CACNB4: variants seen among roughly 807,000 people sequenced by gnomAD.
CACNB4 encodes calcium voltage-gated channel auxiliary subunit beta 4, also known as voltage-dependent L-type calcium channel subunit beta-4.
In CACNB4, 32 loss-of-function variants were observed where a neutral mutation model predicts 71.2. The observed-to-expected ratio is 0.45, with a 90% CI of 0.34 to 0.60. The LOEUF (loss-of-function observed/expected upper bound fraction) is 0.60. Among genes scored for constraint, CACNB4 ranks in the 20% least tolerant of loss-of-function variants. The pLI is 0.01. For missense variants in CACNB4, 464 were observed against 647.9 expected, an observed-to-expected ratio of 0.72 and a Z score of 3.08; for synonymous variants, 231 against 236.9, an observed-to-expected ratio of 0.97 and a Z score of 0.23.
chr2:152,035,651 C>CTATATATATA (rs1553818082), intron 2 of CACNB4, among the ~76,000 whole-genome samples: 11 of 118,022 alleles, frequency 9.3e-5, no homozygotes, highest in African/African-American at 3.3e-4. Flanking sequence ...CTCTCTCTCT[C>CTATATATATA]TATATATATA....
chr2:151,861,834 C>A (rs1328174309), intron 9 of CACNB4: 6 of 74,532 alleles, frequency 8.1e-5, no homozygotes, highest in Non-Finnish European at 1.3e-4. Flanking sequence ...CAGGGTGAGA[C>A]CCTGTCTCAA....
intron 6 of CACNB4, chr2:151,871,169 G>T: frequency 2.4e-6 from 1 of 415,960 alleles, no homozygotes; most frequent in Non-Finnish European, 4.3e-6. Flanking sequence ...ACCATGGGTT[G>T]TTCCCGTGCT....
chr2:151,967,872 C>T (rs1411373453), intron 2 of CACNB4: 1 of 151,938 alleles, frequency 6.6e-6, no homozygotes, highest in Non-Finnish European at 1.5e-5. Flanking sequence ...ACAGGAAGTA[C>T]TGATAATGTG....
chr2:152,039,332 C>T (rs894188297), intron 2 of CACNB4, among the ~76,000 whole-genome samples: 2 of 151,532 alleles, frequency 1.3e-5, no homozygotes, highest in African/African-American at 4.9e-5. Flanking sequence ...CAGAGAACTG[C>T]TTGAACCCGG....
intron 2 of CACNB4, among the ~76,000 whole-genome samples, chr2:152,071,639 G>C (rs986259071): frequency 6.6e-6 from 1 of 152,194 alleles, no homozygotes; most frequent in Non-Finnish European, 1.5e-5. Flanking sequence ...AACTGCTCCA[G>C]ATGTTTATTG....
At chr2:151,915,105 A>C (rs1157807562) in intron 2 of CACNB4, among the ~76,000 whole-genome samples, 1 of 152,164 alleles carries the variant, frequency 6.6e-6, no homozygotes, top group Non-Finnish European at 1.5e-5. Context: ...GTCCACAGAG[A>C]CTGCGGCCAC....
chr2:151,874,328 C>T (rs1349058242), intron 5 of CACNB4, among the ~76,000 whole-genome samples: 1 of 151,884 alleles, frequency 6.6e-6, no homozygotes, highest in South Asian at 2.1e-4. Context: ...ATTAGCCAGG[C>T]ACGATGGTGC....
At chr2:151,966,407 G>A (rs918981011) in intron 2 of CACNB4, among the ~76,000 whole-genome samples, 2 of 151,756 alleles carry the variant, frequency 1.3e-5, no homozygotes, top group African/African-American at 4.8e-5. Flanking sequence ...CAGTCTCCTG[G>A]GTACCTGGGA....
chr2:151,940,019 A>G (rs972933901), intron 2 of CACNB4, among the ~76,000 whole-genome samples: 1 of 152,208 alleles, frequency 6.6e-6, no homozygotes, highest in African/African-American at 2.4e-5. Context: ...TTTGAAATCA[A>G]TCTAAAAAAA....
intron 5 of CACNB4, chr2:151,873,733 A>G (rs1559906478): frequency 6.6e-6 from 1 of 152,240 alleles, no homozygotes; most frequent in Non-Finnish European, 1.5e-5. Context: ...AAAGACCCCA[A>G]GACAGGAACA....
intron 2 of CACNB4, among the ~76,000 whole-genome samples, chr2:152,080,431 CTTATACAGTG>C (rs1687299899): frequency 6.6e-6 from 1 of 152,082 alleles, no homozygotes; most frequent in South Asian, 2.1e-4. Context: ...AATTTACTGT[CTTATACAGTG>C]TCAACTCTAT....
chr2:151,996,544 A>C (rs1682057816), intron 2 of CACNB4, among the ~76,000 whole-genome samples: 1 of 152,030 alleles, frequency 6.6e-6, no homozygotes, highest in South Asian at 2.1e-4. Flanking sequence ...GTCAGCCCAC[A>C]ACTTGCCAAG....
chr2:151,943,678 A>T (rs1406123671), intron 2 of CACNB4, among the ~76,000 whole-genome samples: 8 of 152,206 alleles, frequency 5.3e-5, no homozygotes, highest in Non-Finnish European at 2.9e-5. Context: ...GGTGCCTCAT[A>T]TTAGGAGGAG....
intron 5 of CACNB4, among the ~76,000 whole-genome samples, chr2:151,875,963 G>A (rs1377497849): frequency 1.7e-5 from 2 of 117,208 alleles, no homozygotes; most frequent in African/African-American, 6.2e-5. Flanking sequence ...GCGGCTGGCC[G>A]GGCGGGGGGC....
chr2:151,911,582 T>G (rs1429467866), intron 2 of CACNB4, among the ~76,000 whole-genome samples: 2 of 152,230 alleles, frequency 1.3e-5, no homozygotes, highest in Admixed American at 6.5e-5. Flanking sequence ...TTTGCCAGTA[T>G]TTTATTGAGG....
intron 2 of CACNB4, among the ~76,000 whole-genome samples, chr2:152,069,697 C>T (rs532968387): frequency 6.6e-6 from 1 of 152,106 alleles, no homozygotes; most frequent in East Asian, 1.9e-4. Context: ...CATAGGATTT[C>T]AGCTCCAATC....
intron 2 of CACNB4, among the ~76,000 whole-genome samples, chr2:152,032,562 A>C (rs184241287): frequency 6.6e-6 from 1 of 152,226 alleles, no homozygotes; most frequent in Admixed American, 6.5e-5. Context: ...ATTTTAATAC[A>C]ACTTTATTTT....
At chr2:152,063,932 TA>T (rs1686156154) in intron 2 of CACNB4, among the ~76,000 whole-genome samples, 1 of 152,186 alleles carries the variant, frequency 6.6e-6, no homozygotes, top group Non-Finnish European at 1.5e-5. Flanking sequence ...CATTCAAAAT[TA>T]TTTTTTTCTG....
At chr2:151,864,584 G>A (rs923799952) in intron 9 of CACNB4, among the ~76,000 whole-genome samples, 2 of 152,226 alleles carry the variant, frequency 1.3e-5, no homozygotes, top group South Asian at 2.1e-4. Flanking sequence ...AGAGTGTTCC[G>A]AAGAATGCAA....
Sources: gnomAD v4.1 joint callset for allele counts (sites outside exome capture counted in the v4.1 genomes callset) on GRCh38, gnomAD v4.1.1 for gene constraint, MANE v1.5 for transcripts, NCBI Gene and HGNC (gene_info 2026-07-23, HGNC 2026-07-21) for gene names.